Variants in IFTAP observed in about 807,000 individuals in gnomAD.
IFTAP encodes intraflagellar transport associated protein, also known as intraflagellar transport-associated protein.
A neutral mutation model predicts 19.4 loss-of-function variants in IFTAP; 19 were observed. That is an observed-to-expected ratio of 0.98 (90% CI 0.68 to 1.44). IFTAP has a LOEUF of 1.44. Ranked by LOEUF, IFTAP falls within the 40% of genes most tolerant of loss-of-function variation. The probability of loss-of-function intolerance (pLI) is 0.00; values close to 1 mark genes in which losing one functional copy is unlikely to be tolerated. For missense variants in IFTAP, 240 were observed against 253.6 expected (o/e 0.95, Z 0.36); for synonymous variants, 85 against 83.5 (o/e 1.02, Z -0.10).
chr11:36,614,505 C>T (rs1483252652), intron 2 of IFTAP, among the ~76,000 whole-genome samples: 3 of 148,754 alleles, frequency 2.0e-5, no homozygotes, highest in Admixed American at 1.3e-4. Flanking sequence ...CTGACTTCCA[C>T]AATGGTTGAA....
chr11:36,597,641 A>G (rs1452885624), intron 1 of IFTAP: 2 of 152,160 alleles, frequency 1.3e-5, no homozygotes, highest in Admixed American at 6.5e-5. Flanking sequence ...TTCTTTTCCA[A>G]AGAAAGATAC....
intron 5 of IFTAP, among the ~76,000 whole-genome samples, chr11:36,653,356 A>T (rs890415621): frequency 6.6e-6 from 1 of 152,182 alleles, no homozygotes; most frequent in Non-Finnish European, 1.5e-5. Context: ...TTAGATTTGA[A>T]ATTAGACACC....
chr11:36,601,813 T>G (rs1385968389), intron 1 of IFTAP, among the ~76,000 whole-genome samples: 1 of 151,234 alleles, frequency 6.6e-6, no homozygotes, highest in African/African-American at 2.5e-5. Flanking sequence ...ACCATCATGC[T>G]CAGCTAATGA....
chr11:36,611,062 C>G (rs533476517), intron 2 of IFTAP, among the ~76,000 whole-genome samples: 1 of 152,228 alleles, frequency 6.6e-6, no homozygotes, highest in African/African-American at 2.4e-5. Context: ...GCAATATCAA[C>G]TAGAGCTCAG....
intron 1 of IFTAP, among the ~76,000 whole-genome samples, chr11:36,608,486 G>C (rs926724691): frequency 6.6e-6 from 1 of 152,328 alleles, no homozygotes; most frequent in Non-Finnish European, 1.5e-5. Flanking sequence ...GTAATTACAT[G>C]TCTGCTTTCT....
chr11:36,639,412 C>A (rs1479377469), intron 4 of IFTAP, among the ~76,000 whole-genome samples: 1 of 152,050 alleles, frequency 6.6e-6, no homozygotes, highest in Non-Finnish European at 1.5e-5. Flanking sequence ...TTTTCAGGTT[C>A]TCCAGTACTG....
intron 5 of IFTAP, among the ~76,000 whole-genome samples, chr11:36,655,277 G>A (rs1414938607): frequency 3.3e-5 from 5 of 152,032 alleles, no homozygotes; most frequent in Non-Finnish European, 7.4e-5. Context: ...GCTCTCCTTT[G>A]TCAACTTGTA....
chr11:36,624,602 G>C (rs1368627951), intron 2 of IFTAP, among the ~76,000 whole-genome samples: 1 of 152,178 alleles, frequency 6.6e-6, no homozygotes, highest in African/African-American at 2.4e-5. Flanking sequence ...ACATGAGAGA[G>C]AAATCAAATT....
chr11:36,649,802 G>A (rs1853635040), intron 5 of IFTAP, among the ~76,000 whole-genome samples: 1 of 152,094 alleles, frequency 6.6e-6, no homozygotes. Flanking sequence ...AATATCTGAA[G>A]TAACATCTTG....
chr11:36,638,349 G>T (rs1853044640), intron 4 of IFTAP, among the ~76,000 whole-genome samples: 1 of 151,976 alleles, frequency 6.6e-6, no homozygotes, highest in African/African-American at 2.4e-5. Context: ...CCAGAAATCA[G>T]ATAACAAGCC....
chr11:36,619,515 C>G (rs911015712), intron 2 of IFTAP, among the ~76,000 whole-genome samples: 2 of 151,992 alleles, frequency 1.3e-5, no homozygotes, highest in African/African-American at 4.8e-5. Context: ...AAAGGAATTT[C>G]AGTAGAGCAT....
intron 1 of IFTAP, among the ~76,000 whole-genome samples, chr11:36,599,803 A>C (rs1358435026): frequency 6.6e-6 from 1 of 152,154 alleles, no homozygotes; most frequent in Admixed American, 6.5e-5. Context: ...TAACCTATTT[A>C]TGTGTTATAT....
At chr11:36,603,151 G>C (rs1851569568) in intron 1 of IFTAP, among the ~76,000 whole-genome samples, 1 of 152,128 alleles carries the variant, frequency 6.6e-6, no homozygotes, top group South Asian at 2.1e-4. Flanking sequence ...AAATAAAATG[G>C]GTATTATACA....
At position 36,648,733 on chromosome 11, in the gene IFTAP, A is replaced by G. The variant is rs555085195; in HGVS notation, c.498+578A>G. ...CCTGCGTGTTCCAGGTCAGGTCATC[A>G]TCGTACCTGGAGGGGAGGAGAGAAG... On this transcript the variant is annotated intron_variant, in intron 5 of 5. Coordinates refer to ENST00000334307, the MANE Select transcript of IFTAP (RefSeq NM_138787.4). Among the ~76,000 whole-genome samples the G allele has an allele frequency of 3.3e-5, 5 of 152,112 alleles. No homozygotes were observed. In the East Asian group the frequency reaches 5.8e-4, roughly 18 times the overall value.
intron 4 of IFTAP, among the ~76,000 whole-genome samples, chr11:36,643,359 A>C (rs1565027657): frequency 6.6e-6 from 1 of 152,234 alleles, no homozygotes; most frequent in Non-Finnish European, 1.5e-5. Context: ...GGATACAAAC[A>C]AATGGACGAA....
chr11:36,654,458 T>G (rs979409371), intron 5 of IFTAP, among the ~76,000 whole-genome samples: 1 of 152,148 alleles, frequency 6.6e-6, no homozygotes, highest in Non-Finnish European at 1.5e-5. Flanking sequence ...TGTCCATCAA[T>G]GATCTCCTGT....
At chr11:36,606,193 G>A (rs960664134) in intron 1 of IFTAP, among the ~76,000 whole-genome samples, 1 of 152,152 alleles carries the variant, frequency 6.6e-6, no homozygotes. Context: ...GCGCAGTGGC[G>A]CACGCCTGTA....
intron 2 of IFTAP, among the ~76,000 whole-genome samples, chr11:36,625,213 T>G (rs951954045): frequency 2.0e-5 from 3 of 152,160 alleles, no homozygotes; most frequent in African/African-American, 7.2e-5. Flanking sequence ...TTCTACTTCA[T>G]TAAGTTGTTA....
At chr11:36,598,467 A>G (rs1365621718) in intron 1 of IFTAP, among the ~76,000 whole-genome samples, 1 of 152,252 alleles carries the variant, frequency 6.6e-6, no homozygotes, top group Non-Finnish European at 1.5e-5. Flanking sequence ...TTTTAGAAAA[A>G]CACAGAAGAA....
Sources: allele counts gnomAD v4.1 joint callset (sites outside exome capture counted in the v4.1 genomes callset), GRCh38; gene constraint gnomAD v4.1.1; transcripts MANE v1.5; gene names NCBI Gene and HGNC (gene_info 2026-07-23, HGNC 2026-07-21).